Variants in FRAS1 observed in about 807,000 individuals in gnomAD.
FRAS1 encodes the protein Fraser extracellular matrix complex subunit 1.
FRAS1 carries 290 observed loss-of-function variants against 435.2 expected under a neutral mutation model. The observed-to-expected ratio is 0.67, with a 90% CI of 0.61 to 0.73. The LOEUF (loss-of-function observed/expected upper bound fraction) is 0.73, where lower values mean the gene tolerates loss of function less well. Ranked by LOEUF, FRAS1 falls within the 30% of genes least tolerant of loss-of-function variation. The pLI is 0.00. For missense variants in FRAS1, 4,860 were observed against 5,001.5 expected, an observed-to-expected ratio of 0.97 and a Z score of 0.85; for synonymous variants, 1,800 against 1,851.0, an observed-to-expected ratio of 0.97 and a Z score of 0.71.
intron 2 of FRAS1, among the ~76,000 whole-genome samples, chr4:78,189,282 G>A (rs778780247): frequency 5.3e-5 from 8 of 152,220 alleles, no homozygotes; most frequent in Non-Finnish European, 1.2e-4. Flanking sequence ...AATACTCCCT[G>A]CTTAGCTGCA....
chr4:78,282,700 C>T, intron 11 of FRAS1, 120 bp from the exon 12 acceptor site: 2 of 1,025,246 alleles, frequency 2.0e-6, no homozygotes, highest in Non-Finnish European at 2.9e-6. Flanking sequence ...TTAGATTTGG[C>T]AGAGTACTGA....
In FRAS1 at chr4:78,138,542, G is replaced by A. The variant is rs371947268; in HGVS notation, c.108+72526G>A. 2.8e-4 allele frequency among the ~76,000 whole-genome samples: 43 copies of A among 152,216 alleles called. No individual in the cohort carries two copies. The South Asian group carries it at 8.9e-3, about 32-fold the overall frequency. ...TATTGCTGCTTGTTTTCATAATAGCGACGGCTTTTCCAGCCTTGATAAGAA... is the reference window on the plus strand; with the variant it reads ...TATTGCTGCTTGTTTTCATAATAGCAACGGCTTTTCCAGCCTTGATAAGAA... On this transcript the variant is annotated intron_variant, in intron 2 of 73. Coordinates refer to ENST00000512123, the MANE Select transcript of FRAS1 (RefSeq NM_025074.7).
At position 78,073,916 on chromosome 4, in the gene FRAS1, G is replaced by A. The variant is rs1740490465; in HGVS notation, c.108+7900G>A. On this transcript the variant is annotated intron_variant, in intron 2 of 73. Transcript: ENST00000512123. ...AACTGAGCAGTTTTATGTAAAAGAG[G>A]CATATAGCTTCTGGTGTCCCAGCTA... Among the ~76,000 whole-genome samples, 5 of 152,220 alleles carry A rather than the reference G, an allele frequency of 3.3e-5. No individual in the cohort carries two copies. The South Asian group carries it at 1.0e-3, about 32-fold the overall frequency.
intron 30 of FRAS1, among the ~76,000 whole-genome samples, chr4:78,406,928 C>A (rs531277052): frequency 6.6e-6 from 1 of 152,284 alleles, no homozygotes; most frequent in South Asian, 2.1e-4. Context: ...CATGATGCCA[C>A]AAGTGGAAAA....
chr4:78,306,750 A>G (rs1237207499), intron 14 of FRAS1, among the ~76,000 whole-genome samples: 1 of 151,248 alleles, frequency 6.6e-6, no homozygotes, highest in Non-Finnish European at 1.5e-5. Flanking sequence ...TGGTTATTCT[A>G]GTTATACATT....
intron 2 of FRAS1, chr4:78,068,547 T>C (rs1331186725): frequency 2.2e-6 from 1 of 456,142 alleles, no homozygotes; most frequent in African/African-American, 2.0e-5. Flanking sequence ...TAGCTTGTCC[T>C]TTCAGGAAGG....
At chr4:78,430,245 T>C (rs958495117) in intron 36 of FRAS1, 47 bp from the exon 37 acceptor site, 1 of 1,611,974 alleles carries the variant, frequency 6.2e-7, no homozygotes. Flanking sequence ...TCTATCGTCT[T>C]TAACATACGC....
intron 2 of FRAS1, among the ~76,000 whole-genome samples, chr4:78,093,504 A>T (rs1741637118): frequency 6.6e-6 from 1 of 152,228 alleles, no homozygotes; most frequent in East Asian, 1.9e-4. Flanking sequence ...AACCTTATTA[A>T]GATTTCAGAA....
At chr4:78,281,625 G>A (rs34535077) in intron 11 of FRAS1, among the ~76,000 whole-genome samples, 192 bp downstream of exon 11, 51,087 of 152,010 alleles carry the variant, frequency 0.34, 8,628 homozygotes, top group Admixed American at 0.39. Context: ...TCTTTAGCCA[G>A]TTGTTTTATG....
chr4:78,245,189 G>T, intron 3 of FRAS1, 44 bp from the exon 4 acceptor site: 1 of 1,316,820 alleles, frequency 7.6e-7, no homozygotes, highest in Non-Finnish European at 1.1e-6. Context: ...GTGACTTGGT[G>T]TGTGCTGCTG....
chr4:78,210,859 T>C (rs1257547074), intron 2 of FRAS1, among the ~76,000 whole-genome samples: 2 of 152,180 alleles, frequency 1.3e-5, no homozygotes, highest in Non-Finnish European at 2.9e-5. Flanking sequence ...TAGGTGGCAG[T>C]GCCTCCAAAG....
chr4:78,155,594 C>T (rs1009944186), intron 2 of FRAS1, among the ~76,000 whole-genome samples: 9 of 152,268 alleles, frequency 5.9e-5, no homozygotes, highest in East Asian at 1.9e-4. Context: ...TACAGAAACC[C>T]GTGGCATTCT....
intron 31 of FRAS1, 143 bp downstream of exon 31, chr4:78,407,984 T>C (rs1733168039): frequency 1.4e-6 from 1 of 701,378 alleles, no homozygotes. Flanking sequence ...ATGCTACTGA[T>C]AAAGACATAC....
At chr4:78,212,368 G>C (rs1723550774) in intron 2 of FRAS1, among the ~76,000 whole-genome samples, 1 of 152,028 alleles carries the variant, frequency 6.6e-6, no homozygotes, top group East Asian at 1.9e-4. Context: ...CTGAAGATGT[G>C]GACTATGCAT....
chr4:78,224,213 G>C (rs1308043649), intron 2 of FRAS1, among the ~76,000 whole-genome samples: 1 of 152,166 alleles, frequency 6.6e-6, no homozygotes, highest in East Asian at 1.9e-4. Context: ...GGTGAAAGCT[G>C]TTCTTCCTGA....
intron 14 of FRAS1, among the ~76,000 whole-genome samples, chr4:78,289,670 C>T (rs1317967503): frequency 6.6e-6 from 1 of 152,184 alleles, no homozygotes; most frequent in Admixed American, 6.5e-5. Flanking sequence ...TCCTACCCCA[C>T]TCTTCTTGAC....
rs754701687 is a variant in FRAS1, at chr4:78,439,005, A to G, written c.5470A>G (p.Ile1824Val). The change falls in exon 40 of 74, where the codon ATC becomes GTC. Residue 1824 changes from isoleucine to valine, a missense_variant. Physicochemically the swap from Ile to Val is conservative, Grantham distance 29. Coordinates refer to ENST00000512123, the MANE Select transcript of FRAS1 (RefSeq NM_025074.7). ...HNHLDNQIFT[I>V]MITPAENPPP... ...CCATCTGGATAATCAGATATTTACC[A>G]TCATGATCACTCCTGCTGAAAATCC... The G allele has an allele frequency of 1.2e-5, 19 of 1,613,370 alleles. No homozygotes were observed. The South Asian group carries it at 1.6e-4, about 14-fold the overall frequency.
intron 2 of FRAS1, among the ~76,000 whole-genome samples, chr4:78,118,525 C>T (rs1455901544): frequency 3.3e-5 from 5 of 152,158 alleles, no homozygotes; most frequent in Admixed American, 3.3e-4. Context: ...ATGGTGGGCA[C>T]CCCTCCCCCA....
rs1387109915 is a variant in FRAS1, at chr4:78,432,482, G to C, written c.5095G>C (p.Val1699Leu). 13 of 1,613,294 alleles carry C rather than the reference G, an allele frequency of 8.1e-6. No homozygotes were observed. Among genetic ancestry groups the C allele is most frequent in the Admixed American group, 1.7e-5 (1 of 59,892 alleles). The change falls in exon 38 of 74, where the codon GTG becomes CTG. Residue 1699 changes from valine (V) to leucine (L), a missense_variant. Transcript: ENST00000512123. Reference sequence around the variant, plus strand: ...TGGCCTCACAGTGACAATGCTGGAGGTGAGAGTAGAGGTGTCCCTGTCAGA... The same window carrying C: ...TGGCCTCACAGTGACAATGCTGGAGCTGAGAGTAGAGGTGTCCCTGTCAGA... ...TDGLTVTMLE[V>L]RVEVSLSEDR...
Sources: allele counts gnomAD v4.1 joint callset (sites outside exome capture counted in the v4.1 genomes callset), GRCh38; gene constraint gnomAD v4.1.1; transcripts MANE v1.5; gene names NCBI Gene and HGNC (gene_info 2026-07-23, HGNC 2026-07-21).